Variants in MARCHF1 observed in about 807,000 individuals in gnomAD.
MARCHF1 encodes membrane associated ring-CH-type finger 1.
Under a neutral mutation model 54.2 loss-of-function variants are expected in MARCHF1, and 40 were observed. The observed-to-expected ratio is 0.74, with a 90% CI of 0.57 to 0.96. MARCHF1 has a LOEUF of 0.96. Among genes scored for constraint, MARCHF1 ranks in the 40% least tolerant of loss-of-function variants. The probability of loss-of-function intolerance (pLI) is 0.00; values close to 1 mark genes in which losing one functional copy is unlikely to be tolerated. For synonymous variants in MARCHF1, 236 were observed against 236.3 expected (o/e 1.00, Z 0.01); for missense variants, 586 against 656.5 (o/e 0.89, Z 1.17).
At chr4:164,310,214 A>T (rs2111422940) in intron 1 of MARCHF1, among the ~76,000 whole-genome samples, 1 of 152,148 alleles carries the variant, frequency 6.6e-6, no homozygotes, top group South Asian at 2.1e-4. Flanking sequence ...AGTAGCTGGG[A>T]TCACAGGTGC....
chr4:163,984,075 A>C (rs975046080), intron 3 of MARCHF1, among the ~76,000 whole-genome samples: 1 of 152,146 alleles, frequency 6.6e-6, no homozygotes, highest in Middle Eastern at 3.4e-3. Flanking sequence ...ACAAAAAGCC[A>C]TATTTTTTCC....
At chr4:163,887,349 T>C (rs1012338552) in intron 3 of MARCHF1, among the ~76,000 whole-genome samples, 5 of 152,060 alleles carry the variant, frequency 3.3e-5, no homozygotes, top group Non-Finnish European at 7.4e-5. Context: ...TGGGAAAATG[T>C]ACTCCAGATA....
chr4:163,822,849 TTACG>T lies in MARCHF1; in HGVS notation c.111+31168_111+31171del, dbSNP rs1182698858. Reference sequence around the variant, plus strand: ...TTTCTAAGTGTATATTTGTACCCATTTACGTACAATTCTACAGAAAATGTTAGGT... The same window carrying T: ...TTTCTAAGTGTATATTTGTACCCATTTACAATTCTACAGAAAATGTTAGGT... On this transcript the variant is annotated intron_variant, in intron 4 of 9. Transcript: ENST00000514618. Among the ~76,000 whole-genome samples the T allele has an allele frequency of 3.9e-5, 6 of 151,996 alleles. No individual in the cohort carries two copies. The East Asian group carries it at 1.2e-3, about 29-fold the overall frequency.
At chr4:163,927,454 G>A (rs1579398162) in intron 3 of MARCHF1, among the ~76,000 whole-genome samples, 1 of 151,754 alleles carries the variant, frequency 6.6e-6, no homozygotes, top group Non-Finnish European at 1.5e-5. Context: ...GAAAAAAGGG[G>A]GAAAGGGCTG....
intron 1 of MARCHF1, among the ~76,000 whole-genome samples, chr4:164,118,814 G>A (rs1755995163): frequency 6.6e-6 from 1 of 150,560 alleles, no homozygotes; most frequent in Non-Finnish European, 1.5e-5. Flanking sequence ...CACTAAAACA[G>A]GTAACAACAA....
Position 164,194,842 on chromosome 4 carries a change from T to C in MARCHF1, c.-322-83180A>G, listed in dbSNP as rs1459393275. ...AGTTCTGGGGTGCATGTACAGAACA[T>C]GCAGGTTTGTTACATAGATATATAT... is the stretch of plus-strand genomic sequence containing the variant. On this transcript the variant is annotated intron_variant, in intron 1 of 9. Transcript: ENST00000514618. 3.3e-5 allele frequency among the ~76,000 whole-genome samples: 5 copies of C among 152,100 alleles called. No individual in the cohort carries two copies. In the East Asian group the frequency reaches 7.7e-4, roughly 23 times the overall value.
chr4:163,854,235 A>C (rs1157088315), intron 3 of MARCHF1, 66 bp from the exon 4 acceptor site: 2 of 1,198,638 alleles, frequency 1.7e-6, no homozygotes, highest in African/African-American at 3.1e-5. Context: ...AAATACATAT[A>C]ATCAAAATTA....
intron 4 of MARCHF1, among the ~76,000 whole-genome samples, chr4:163,716,294 G>C (rs2111270458): frequency 6.6e-6 from 1 of 152,246 alleles, no homozygotes; most frequent in South Asian, 2.1e-4. Flanking sequence ...TTAAAAATAA[G>C]TTTCAGAATA....
chr4:163,674,345 G>GA (rs904124465), intron 5 of MARCHF1, among the ~76,000 whole-genome samples: 35 of 151,926 alleles, frequency 2.3e-4, no homozygotes, highest in African/African-American at 6.8e-4. Context: ...TTTAAAAAAA[G>GA]AAAAAAAATG....
At chr4:164,088,144 G>C (rs2111126581) in intron 2 of MARCHF1, among the ~76,000 whole-genome samples, 1 of 152,260 alleles carries the variant, frequency 6.6e-6, no homozygotes, top group South Asian at 2.1e-4. Flanking sequence ...CGTTAAAAAT[G>C]TGTTTGTGTG....
At chr4:163,691,543 A>C (rs1448923202) in intron 5 of MARCHF1, among the ~76,000 whole-genome samples, 1 of 152,222 alleles carries the variant, frequency 6.6e-6, no homozygotes, top group Non-Finnish European at 1.5e-5. Flanking sequence ...TACCCAGAGC[A>C]GCATAAGTGC....
chr4:164,059,722 T>C (rs1040094627), intron 2 of MARCHF1, among the ~76,000 whole-genome samples: 2 of 152,164 alleles, frequency 1.3e-5, no homozygotes. Context: ...TTTTTAAAAT[T>C]CTTATTAAAG....
intron 1 of MARCHF1, among the ~76,000 whole-genome samples, chr4:164,161,552 C>CA: frequency 9.2e-6 from 1 of 109,212 alleles, no homozygotes; most frequent in East Asian, 2.8e-4. Flanking sequence ...TCATCAGCAG[C>CA]AGCAGCAGCA....
At chr4:164,079,953 T>C (rs1424815172) in intron 2 of MARCHF1, among the ~76,000 whole-genome samples, 4 of 152,158 alleles carry the variant, frequency 2.6e-5, no homozygotes, top group African/African-American at 9.7e-5. Context: ...AAACCATACC[T>C]CACTATTCAT....
At chr4:163,693,559 T>C (rs1338437703) in intron 5 of MARCHF1, among the ~76,000 whole-genome samples, 1 of 151,350 alleles carries the variant, frequency 6.6e-6, no homozygotes, top group Non-Finnish European at 1.5e-5. Flanking sequence ...CAATGTGGGC[T>C]CTCTGTCAAA....
At chr4:163,619,652 T>C (rs1741617914) in intron 5 of MARCHF1, among the ~76,000 whole-genome samples, 1 of 152,038 alleles carries the variant, frequency 6.6e-6, no homozygotes, top group African/African-American at 2.4e-5. Context: ...TTTGCATCTC[T>C]AGTTAGTGGG....
chr4:164,279,519 TAGA>T (rs1406924632), intron 1 of MARCHF1, among the ~76,000 whole-genome samples: 2 of 151,490 alleles, frequency 1.3e-5, no homozygotes, highest in African/African-American at 4.8e-5. Context: ...TCTAAAAAAC[TAGA>T]AGAAAATGTT....
rs71600697 is a variant in MARCHF1 at position 164,289,585 on chromosome 4, G to GAAA, written c.-323+94282_-323+94284dup. Among the ~76,000 whole-genome samples the GAAA allele has an allele frequency of 5.3e-5, 7 of 131,136 alleles. No individual in the cohort carries two copies. The East Asian group carries it at 1.2e-3, about 22-fold the overall frequency. The allele number at this position is 131,136 out of a possible 152,430, so 86.0% of individuals were successfully genotyped here. ...ATGAGCTGCTAGAAATACTTAGATG[G>GAAA]AAAAAAAAAAAAAAAAAAAACCTGT... On this transcript the variant is annotated intron_variant, in intron 1 of 9. Transcript: ENST00000514618.
intron 3 of MARCHF1, among the ~76,000 whole-genome samples, chr4:163,959,620 G>A (rs1308088000): frequency 6.6e-6 from 1 of 151,874 alleles, no homozygotes; most frequent in Non-Finnish European, 1.5e-5. Context: ...ATGCACAGAA[G>A]ATTGAAACTG....
Sources: allele counts gnomAD v4.1 joint callset (sites outside exome capture counted in the v4.1 genomes callset), GRCh38; gene constraint gnomAD v4.1.1; transcripts MANE v1.5; gene names NCBI Gene and HGNC (gene_info 2026-07-23, HGNC 2026-07-21).